The following GPR173 variants were observed in gnomAD, a reference collection of about 807,000 sequenced individuals.
GPR173 encodes the protein G protein-coupled receptor 173, also known as probable G protein-coupled receptor 173.
A neutral mutation model predicts 13.9 loss-of-function variants in GPR173; 2 were observed. The ratio of observed to expected loss-of-function variants is 0.14; its 90% CI spans 0.06 to 0.45. GPR173 has a LOEUF of 0.45. Ranked by LOEUF, GPR173 falls within the 20% of genes least tolerant of loss-of-function variation. GPR173 has a pLI of 0.98. For missense variants in GPR173, 202 were observed against 340.5 expected (o/e 0.59, Z 3.20); for synonymous variants, 131 against 141.0 (o/e 0.93, Z 0.50).
chrX:53,055,658 G>A (rs1034972103), intron 1 of GPR173, among the ~76,000 whole-genome samples: 3 of 109,578 alleles, frequency 2.7e-5, no homozygotes, highest in Admixed American at 9.8e-5. Flanking sequence ...GGAGTGGGGC[G>A]TGTGCAGAGG....
intron 1 of GPR173, among the ~76,000 whole-genome samples, chrX:53,052,438 T>C (rs782078007): frequency 9.0e-6 from 1 of 111,465 alleles, no homozygotes; most frequent in Admixed American, 9.5e-5. Context: ...TTTCTGAGTA[T>C]GTGAGTGTGA....
At chrX:53,075,740 C>T (rs1265175646) in intron 1 of GPR173, among the ~76,000 whole-genome samples, 1 of 110,502 alleles carries the variant, frequency 9.0e-6, no homozygotes, top group African/African-American at 3.3e-5. Context: ...CTGCCTCACT[C>T]GTCTTCCTGC....
At position 53,079,699 on chromosome X, in the gene GPR173, C is replaced by G. The variant is rs1049940736; in HGVS notation, c.*1956C>G. 4 of 120,953 alleles carry G rather than the reference C, an allele frequency of 3.3e-5. No homozygotes were observed. The highest frequency in any genetic ancestry group is 7.6e-5 in the Non-Finnish European group (4 of 52,676). 10.0% of individuals were successfully genotyped at this position (120,953 alleles called of 1,213,427 possible). A position where few individuals can be genotyped will look rare whatever the true frequency, so the allele number is the denominator to read the frequency against. On this transcript the variant is annotated 3_prime_UTR_variant, in exon 2 of 2. Coordinates refer to ENST00000332582, the MANE Select transcript of GPR173 (RefSeq NM_018969.6). The stretch of plus-strand genomic sequence containing the variant: ...GTGTGACTTTGTGTGGGGAGGCACT[C>G]CTGAAGAAAACTTGCCCGGTGCACA...
intron 1 of GPR173, among the ~76,000 whole-genome samples, chrX:53,060,713 T>G (rs1932112278): frequency 9.3e-6 from 1 of 107,404 alleles, no homozygotes; most frequent in African/African-American, 3.4e-5. Flanking sequence ...CGTCTCTGGT[T>G]GTGCATAGCT....
At chrX:53,075,100 C>G (rs930822726) in intron 1 of GPR173, among the ~76,000 whole-genome samples, 5 of 107,571 alleles carry the variant, frequency 4.6e-5, no homozygotes, top group Admixed American at 1.0e-4. Context: ...TCTGACCTCA[C>G]CTGCCACCAC....
At chrX:53,067,583 T>C (rs1209307346) in intron 1 of GPR173, among the ~76,000 whole-genome samples, 2 of 111,910 alleles carry the variant, frequency 1.8e-5, no homozygotes, top group Non-Finnish European at 3.8e-5. Flanking sequence ...CCCAGCACTT[T>C]GGGAGGTCGA....
rs1932435672 is a variant in GPR173 at position 53,076,574 on chromosome X, C to T, written c.-48C>T. 1 of 1,091,352 alleles carries T rather than the reference C, an allele frequency of 9.2e-7. No individual in the cohort carries two copies. Among genetic ancestry groups the T allele is most frequent in the East Asian group, 3.0e-5 (1 of 33,008 alleles). The allele number at this position is 1,091,352 out of a possible 1,213,427, so 89.9% of individuals were successfully genotyped here. On this transcript the variant is annotated 5_prime_UTR_variant, in exon 2 of 2. Transcript: ENST00000332582. ...GGAGCCCCCCCGGGCCCATCGAGTA[C>T]CGGACTGGCTGACCCCCTAGGGTTG... is the stretch of plus-strand genomic sequence containing the variant.
chrX:53,066,716 T>C (rs1191814149), intron 1 of GPR173, among the ~76,000 whole-genome samples: 3 of 94,562 alleles, frequency 3.2e-5, no homozygotes, highest in Non-Finnish European at 6.0e-5. Context: ...GCCATGTTTC[T>C]TTTACCTCAT....
At chrX:53,068,072 G>C (rs1259127658) in intron 1 of GPR173, among the ~76,000 whole-genome samples, 2 of 111,310 alleles carry the variant, frequency 1.8e-5, no homozygotes, top group Non-Finnish European at 3.8e-5. Context: ...AAAGAGTCTT[G>C]ACCTTTTAGG....
chrX:53,062,104 T>C (rs372009051), intron 1 of GPR173, among the ~76,000 whole-genome samples: 1 of 111,272 alleles, frequency 9.0e-6, no homozygotes, highest in South Asian at 3.8e-4. Context: ...TTAATCTGTT[T>C]ATGAGGACAG....
intron 1 of GPR173, among the ~76,000 whole-genome samples, chrX:53,075,951 T>G (rs1201262276): frequency 9.0e-6 from 1 of 111,381 alleles, no homozygotes; most frequent in Non-Finnish European, 1.9e-5. Context: ...TGATGTAAAA[T>G]GTATTTTTTT....
intron 1 of GPR173, among the ~76,000 whole-genome samples, chrX:53,066,442 T>A (rs985116780): frequency 9.0e-6 from 1 of 111,422 alleles, no homozygotes; most frequent in Non-Finnish European, 1.9e-5. Flanking sequence ...AATCTGTGCC[T>A]GAGCTCAGAA....
chrX:53,068,341 C>T (rs1293673354), intron 1 of GPR173, among the ~76,000 whole-genome samples: 2 of 111,000 alleles, frequency 1.8e-5, no homozygotes, highest in African/African-American at 6.6e-5. Flanking sequence ...TTTAGAAACA[C>T]CTAATACTAT....
chrX:53,073,661 G>C (rs1015244532), intron 1 of GPR173, among the ~76,000 whole-genome samples: 2 of 103,973 alleles, frequency 1.9e-5, no homozygotes, highest in Admixed American at 1.1e-4. Flanking sequence ...GTGCTATGTA[G>C]TGTTCTTTCA....
intron 1 of GPR173, among the ~76,000 whole-genome samples, chrX:53,074,060 A>T (rs1350617371): frequency 1.0e-4 from 4 of 39,760 alleles, no homozygotes; most frequent in Admixed American, 4.3e-4. Context: ...ATATATTTAT[A>T]AATATATAAA....
At position 53,076,846 on chromosome X, in the gene GPR173, C is replaced by T; in HGVS notation, c.225C>T (p.Cys75=). ...CLADGIRSAV[C]FPFVLASVRH... The stretch of plus-strand genomic sequence containing the variant: ...CCGATGGCATACGCTCTGCCGTCTG[C>T]TTCCCCTTTGTGCTGGCTTCTGTGC... The change falls in exon 2 of 2, where the codon TGC becomes TGT. Residue 75 remains cysteine (C), a synonymous_variant. Coordinates refer to ENST00000332582, the MANE Select transcript of GPR173 (RefSeq NM_018969.6). 1 of 1,210,437 alleles carries T rather than the reference C, an allele frequency of 8.3e-7. No homozygotes were observed. The highest frequency in any genetic ancestry group is 1.1e-6 in the Non-Finnish European group (1 of 895,174).
At chrX:53,054,498 C>T (rs1932005332) in intron 1 of GPR173, among the ~76,000 whole-genome samples, 1 of 103,983 alleles carries the variant, frequency 9.6e-6, no homozygotes, top group Non-Finnish European at 2.0e-5. Context: ...AGCGAGACTC[C>T]ATCTAAAAAA....
At position 53,076,891 on chromosome X, in the gene GPR173, C is replaced by T. The variant is rs1320899179; in HGVS notation, c.270C>T (p.Thr90=). ...LASVRHGSSW[T]FSALSCKIVA... ...CTGTGCGCCACGGCTCTTCATGGAC[C>T]TTCAGTGCACTCAGCTGCAAGATTG... The change falls in exon 2 of 2, where the codon ACC becomes ACT. Residue 90 remains threonine, a synonymous_variant. Coordinates refer to ENST00000332582, the MANE Select transcript of GPR173 (RefSeq NM_018969.6). 8.3e-7 allele frequency: 1 copy of T among 1,208,789 alleles called. No individual in the cohort carries two copies. The highest frequency in any genetic ancestry group is 1.7e-5 in the African/African-American group (1 of 57,609).
At chrX:53,060,953 G>C (rs1345062582) in intron 1 of GPR173, among the ~76,000 whole-genome samples, 1 of 104,295 alleles carries the variant, frequency 9.6e-6, no homozygotes, top group Non-Finnish European at 2.0e-5. Flanking sequence ...GAGGAGGATG[G>C]TGACATTTTT....
Sources: gnomAD v4.1 joint callset for allele counts (sites outside exome capture counted in the v4.1 genomes callset) on GRCh38, gnomAD v4.1.1 for gene constraint, MANE v1.5 for transcripts, NCBI Gene and HGNC (gene_info 2026-07-23, HGNC 2026-07-21) for gene names.